CA12: variants seen among roughly 807,000 people sequenced by gnomAD.
CA12 encodes the protein carbonate dehydratase XII.
CA12 carries 36 observed loss-of-function variants against 46.8 expected under a neutral mutation model. The observed-to-expected ratio is 0.77, with a 90% CI of 0.59 to 1.02. The LOEUF is 1.02. CA12 is among the 50% of genes least tolerant of loss of function. The pLI is 0.00. For missense variants in CA12, 436 were observed against 451.4 expected, an observed-to-expected ratio of 0.97 and a Z score of 0.31; for synonymous variants, 202 against 187.0, an observed-to-expected ratio of 1.08 and a Z score of -0.65.
Position 63,326,130 on chromosome 15 carries a change from G to T in CA12, c.*155C>A, listed in dbSNP as rs747362208. The T allele has an allele frequency of 4.4e-6, 3 of 684,724 alleles. No individual in the cohort carries two copies. The highest frequency in any genetic ancestry group is 8.0e-6 in the Non-Finnish European group (3 of 375,590). The allele number at this position is 684,724 out of a possible 1,614,324, so 42.4% of individuals were successfully genotyped here. ...GCTCTGGGGTGGCCATGGTCCCAAG[G>T]CAAGGAGGCACCCAGCAGAGGATCC... On this transcript the variant is annotated 3_prime_UTR_variant, in exon 11 of 11. Coordinates refer to ENST00000178638, the MANE Select transcript of CA12 (RefSeq NM_001218.5).
chr15:63,370,794 A>G (rs1233753921), intron 2 of CA12, among the ~76,000 whole-genome samples: 1 of 152,020 alleles, frequency 6.6e-6, no homozygotes, highest in Non-Finnish European at 1.5e-5. Flanking sequence ...GAAAAAAAAG[A>G]AAAAAGAAAA....
intron 2 of CA12, among the ~76,000 whole-genome samples, chr15:63,349,162 C>G (rs35763222): frequency 0.26 from 39,284 of 151,744 alleles, 5,408 homozygotes; most frequent in Admixed American, 0.34. Flanking sequence ...GGGTGGTGGG[C>G]GTAGTGGTGG....
intron 2 of CA12, among the ~76,000 whole-genome samples, chr15:63,364,110 C>T (rs982705670): frequency 2.0e-5 from 3 of 151,798 alleles, no homozygotes; most frequent in South Asian, 2.1e-4. Context: ...TCGCTTGAAC[C>T]CTGGAGGCGG....
intron 1 of CA12, among the ~76,000 whole-genome samples, chr15:63,376,532 C>T (rs1595795081): frequency 6.8e-6 from 1 of 147,592 alleles, no homozygotes; most frequent in Admixed American, 6.7e-5. Context: ...CTCTCTCTGT[C>T]TCTCCCCTCC....
At position 63,355,355 on chromosome 15, in the gene CA12, G is replaced by T. The variant is rs145676627; in HGVS notation, c.107-8646C>A. On this transcript the variant is annotated intron_variant, in intron 2 of 10. Transcript: ENST00000178638. This position sits in a 1 kb window ranked among gnomAD's most constrained non-coding sequence, Gnocchi z 4.1. ...CACACTGATCAAAGCAATATTGTCT[G>T]CCTTTCCACCCCAGTAGTCCAGTGG... Among the ~76,000 whole-genome samples, 2,773 of 152,284 alleles carry T rather than the reference G, an allele frequency of 0.018. 29 individuals carry two copies. The highest frequency in any genetic ancestry group is 0.058 in the Middle Eastern group (17 of 294).
chr15:63,339,445 C>CT lies in CA12; in HGVS notation c.748-501dup, dbSNP rs2152615122. On this transcript the variant is annotated intron_variant, in intron 7 of 10. Transcript: ENST00000178638. This position sits in a 1 kb window ranked among gnomAD's most constrained non-coding sequence, Gnocchi z 4.3. ...ATGCACCTGCATAGATTATATAACC[C>CT]TTTCCCAAGGCAGTTTCTGAGGTAG... 6.6e-6 allele frequency among the ~76,000 whole-genome samples: 1 copy of CT among 152,322 alleles called. No individual in the cohort carries two copies. The highest frequency in any genetic ancestry group is 1.5e-5 in the Non-Finnish European group (1 of 68,030).
chr15:63,356,116 G>T (rs867587605), intron 2 of CA12, among the ~76,000 whole-genome samples: 6 of 152,144 alleles, frequency 3.9e-5, no homozygotes, highest in Admixed American at 2.0e-4. Flanking sequence ...TTGTCGGCCG[G>T]GCACGGTGGC....
rs751461442 is a variant in CA12, at chr15:63,364,578, G to A, written c.106+11080C>T. On this transcript the variant is annotated intron_variant, in intron 2 of 10. Transcript: ENST00000178638. ...TGAACACAGATTGGGGGATGTGGGC[G>A]CTCCTCTTCAATCAGTCTTTGCAGC... is the stretch of plus-strand genomic sequence containing the variant. Among the ~76,000 whole-genome samples the A allele has an allele frequency of 3.3e-5, 5 of 152,262 alleles. No individual in the cohort carries two copies. In the South Asian group the frequency reaches 6.2e-4, roughly 19 times the overall value.
chr15:63,356,650 G>A (rs1448529529), intron 2 of CA12, among the ~76,000 whole-genome samples: 3 of 151,886 alleles, frequency 2.0e-5, no homozygotes, highest in Non-Finnish European at 2.9e-5. Flanking sequence ...AGCCTCTCAC[G>A]TAGCTGGGAT....
rs145874348 is a variant in CA12, at chr15:63,355,578, G to T, written c.107-8869C>A. On this transcript the variant is annotated intron_variant, in intron 2 of 10. Transcript: ENST00000178638. This position sits in a 1 kb window ranked among gnomAD's most constrained non-coding sequence, Gnocchi z 4.1. ...AAGCGCTGCACTAGACTGTCAGCTC[G>T]CTTTCTGCATGCGTGTACACCTGGC... Among the ~76,000 whole-genome samples, 1 of 152,210 alleles carries T rather than the reference G, an allele frequency of 6.6e-6. No individual in the cohort carries two copies. Among genetic ancestry groups the T allele is most frequent in the South Asian group, 2.1e-4 (1 of 4,830 alleles).
At chr15:63,368,972 T>G (rs1183591964) in intron 2 of CA12, among the ~76,000 whole-genome samples, 5 of 152,066 alleles carry the variant, frequency 3.3e-5, no homozygotes, top group Admixed American at 1.3e-4. Context: ...TTGCCTGCTC[T>G]CTGGGAGACT....
At position 63,355,406 on chromosome 15, in the gene CA12, CATT is replaced by C. The variant is rs576051538; in HGVS notation, c.107-8700_107-8698del. ...TTCTCAAAGCGTGGCTCCAGACAAG[CATT>C]ATCATCACCGCCTAGGAACTCATTC... On this transcript the variant is annotated intron_variant, in intron 2 of 10. Transcript: ENST00000178638. The surrounding 1 kb of genome is among the most constrained non-coding windows in gnomAD (Gnocchi z 4.1). 2.0e-5 allele frequency among the ~76,000 whole-genome samples: 3 copies of C among 152,346 alleles called. No homozygotes were observed. In the South Asian group the frequency reaches 6.2e-4, roughly 32 times the overall value.
chr15:63,342,516 T>C (rs2039093911), intron 4 of CA12, among the ~76,000 whole-genome samples: 1 of 152,174 alleles, frequency 6.6e-6, no homozygotes, highest in South Asian at 2.1e-4. Flanking sequence ...AGAGGAAGAA[T>C]ACAAGTAGCA....
chr15:63,369,406 C>T (rs1034240845), intron 2 of CA12, among the ~76,000 whole-genome samples: 9 of 152,224 alleles, frequency 5.9e-5, no homozygotes, highest in African/African-American at 1.9e-4. Flanking sequence ...TTTGTATGTG[C>T]TAGGCCCTGT....
chr15:63,324,859 T>G lies in CA12; in HGVS notation c.*1426A>C, dbSNP rs1259140521. The G allele has an allele frequency of 2.0e-5, 3 of 151,888 alleles. No individual in the cohort carries two copies. Among genetic ancestry groups the G allele is most frequent in the African/African-American group, 7.3e-5 (3 of 41,322 alleles). The allele number at this position is 151,888 out of a possible 1,614,324, so 9.4% of individuals were successfully genotyped here. On this transcript the variant is annotated 3_prime_UTR_variant, in exon 11 of 11. Transcript: ENST00000178638. ...AAGGAAAAAGATATTTAAAAAGCTA[T>G]GCTTCAAGAGGACATTTCATGCTGT...
rs2038799336 is a variant in CA12, at chr15:63,322,209, T to C, written c.*4076A>G. 1 of 152,166 alleles carries C rather than the reference T, an allele frequency of 6.6e-6. No homozygotes were observed. The highest frequency in any genetic ancestry group is 6.5e-5 in the Admixed American group (1 of 15,286). 9.4% of individuals were successfully genotyped at this position (152,166 alleles called of 1,614,324 possible). Reference sequence around the variant, plus strand: ...CTTTTAAACTGTAAATTTTATGAAATCTAAATAACGACCAAATATCTACAA... The same window carrying C: ...CTTTTAAACTGTAAATTTTATGAAACCTAAATAACGACCAAATATCTACAA... On this transcript the variant is annotated 3_prime_UTR_variant, in exon 11 of 11. Transcript: ENST00000178638. This position sits in a 1 kb window ranked among gnomAD's most constrained non-coding sequence, Gnocchi z 4.1.
intron 2 of CA12, among the ~76,000 whole-genome samples, chr15:63,349,611 T>C (rs1175610744): frequency 6.6e-6 from 1 of 152,192 alleles, no homozygotes; most frequent in Non-Finnish European, 1.5e-5. Context: ...AAGGCAGAAT[T>C]GCACCATTTT....
intron 2 of CA12, among the ~76,000 whole-genome samples, chr15:63,353,270 C>T (rs763115454): frequency 7.9e-5 from 12 of 151,996 alleles, no homozygotes; most frequent in Non-Finnish European, 1.6e-4. Context: ...GAGGAGGCGC[C>T]GTTAAAGCTG....
At chr15:63,369,700 C>T (rs1225829393) in intron 2 of CA12, among the ~76,000 whole-genome samples, 1 of 152,198 alleles carries the variant, frequency 6.6e-6, no homozygotes, top group Non-Finnish European at 1.5e-5. Context: ...GGAACCAAGG[C>T]TCAGAGAGGT....
Sources: allele counts gnomAD v4.1 joint callset (sites outside exome capture counted in the v4.1 genomes callset), GRCh38; gene constraint gnomAD v4.1.1; non-coding constraint Gnocchi (gnomAD v3.1); transcripts MANE v1.5; gene names NCBI Gene and HGNC (gene_info 2026-07-23, HGNC 2026-07-21).